PPP4R4: variants seen among roughly 807,000 people sequenced by gnomAD.
PPP4R4 encodes the protein protein phosphatase 4 regulatory subunit 4, also known as serine/threonine-protein phosphatase 4 regulatory subunit 4.
PPP4R4 carries 70 observed loss-of-function variants against 121.8 expected under a neutral mutation model. That is an observed-to-expected ratio of 0.57 (90% CI 0.47 to 0.70). PPP4R4 has a LOEUF of 0.70. Among genes scored for constraint, PPP4R4 ranks in the 30% least tolerant of loss-of-function variants. PPP4R4 has a pLI of 0.00. For synonymous variants in PPP4R4, 348 were observed against 355.7 expected, an observed-to-expected ratio of 0.98 and a Z score of 0.24; for missense variants, 875 against 1,033.6, an observed-to-expected ratio of 0.85 and a Z score of 2.10.
intron 3 of PPP4R4, chr14:94,227,387 T>C (rs373708315): frequency 2.5e-6 from 4 of 1,604,930 alleles, no homozygotes; most frequent in Non-Finnish European, 3.4e-6. Context: ...TGGTAAGTAT[T>C]GAACTCTTAT....
At chr14:94,242,592 A>G (rs1366034209) in intron 11 of PPP4R4, among the ~76,000 whole-genome samples, 184 bp downstream of exon 11, 2 of 152,148 alleles carry the variant, frequency 1.3e-5, no homozygotes, top group Admixed American at 6.6e-5. Flanking sequence ...AATCATTTCC[A>G]TAAATACATT....
Position 94,234,642 on chromosome 14 carries a change from A to T in PPP4R4, c.704A>T (p.Gln235Leu). The T allele has an allele frequency of 6.2e-7, 1 of 1,600,688 alleles. No individual in the cohort carries two copies. Among genetic ancestry groups the T allele is most frequent in the Non-Finnish European group, 8.6e-7 (1 of 1,168,110 alleles). The change falls in exon 7 of 25, where the codon CAA (glutamine) becomes CTA (leucine). Residue 235 changes from glutamine to leucine, a missense_variant. Coordinates refer to ENST00000304338, the MANE Select transcript of PPP4R4 (RefSeq NM_058237.2). ...GAAGTTCGATCTTGTATGTGTCGGCAATTAGAAAATATAGCCCAGGGCATT... is the reference window on the plus strand; with the variant it reads ...GAAGTTCGATCTTGTATGTGTCGGCTATTAGAAAATATAGCCCAGGGCATT... ...EYEVRSCMCR[Q>L]LENIAQGIGT...
Position 94,267,008 on chromosome 14 carries a change from A to G in PPP4R4, c.2428A>G (p.Thr810Ala). The G allele has an allele frequency of 2.5e-6, 4 of 1,596,908 alleles. No homozygotes were observed. Among genetic ancestry groups the G allele is most frequent in the Non-Finnish European group, 3.4e-6 (4 of 1,166,790 alleles). The change falls in exon 23 of 25, where the codon ACT becomes GCT. Residue 810 changes from threonine (T) to alanine (A), a missense_variant. Thr to Ala is a moderately conservative substitution (Grantham distance 58, BLOSUM62 0). Coordinates refer to ENST00000304338, the MANE Select transcript of PPP4R4 (RefSeq NM_058237.2). The stretch of plus-strand genomic sequence containing the variant: ...AACTTCTGTCTCAGGGTTAGGAAAG[A>G]CTTCTGTGCTTTCACTAGCTGGTAA... The part of the protein sequence containing the change: ...YTTSVSGLGK[T>A]SVLSLADDSF...
rs146626593 is a variant in PPP4R4, at chr14:94,260,055, T to G, written c.2127+686T>G. 5.3e-5 allele frequency among the ~76,000 whole-genome samples: 8 copies of G among 152,288 alleles called. No homozygotes were observed. In the East Asian group the frequency reaches 1.5e-3, roughly 29 times the overall value. ...AGTCCTTGAGTAGACCTGTTTTCAT[T>G]TCTCTTGGGTAAATACCTAGGAATA... On this transcript the variant is annotated intron_variant, in intron 19 of 24. Coordinates refer to ENST00000304338, the MANE Select transcript of PPP4R4 (RefSeq NM_058237.2).
At chr14:94,204,671 G>A (rs1411413502) in intron 2 of PPP4R4, among the ~76,000 whole-genome samples, 2 of 152,034 alleles carry the variant, frequency 1.3e-5, no homozygotes, top group African/African-American at 4.8e-5. Context: ...ACCACTTTGG[G>A]GAGAATCGCC....
In PPP4R4 at chr14:94,265,897, G is replaced by A; in HGVS notation, c.2378+10G>A. 1 of 1,490,318 alleles carries A rather than the reference G, an allele frequency of 6.7e-7. No individual in the cohort carries two copies. The highest frequency in any genetic ancestry group is 9.2e-7 in the Non-Finnish European group (1 of 1,091,212). The allele number at this position is 1,490,318 out of a possible 1,614,324, so 92.3% of individuals were successfully genotyped here. On this transcript the variant is annotated intron_variant, in intron 22 of 24. Coordinates refer to ENST00000304338, the MANE Select transcript of PPP4R4 (RefSeq NM_058237.2). ...TAGAGAAATGTGCTAGGTACGATCT[G>A]TAAGCCCTTCAATTTTTAACATAAT...
chr14:94,249,434 A>G (rs553953818), intron 14 of PPP4R4, among the ~76,000 whole-genome samples: 25 of 152,082 alleles, frequency 1.6e-4, no homozygotes, highest in Non-Finnish European at 3.4e-4. Flanking sequence ...GATCCCCACT[A>G]TAATATTTGG....
At chr14:94,238,074 G>T (rs751825858) in intron 8 of PPP4R4, among the ~76,000 whole-genome samples, 3 of 152,220 alleles carry the variant, frequency 2.0e-5, no homozygotes, top group Non-Finnish European at 2.9e-5. Flanking sequence ...GGGAACAAAA[G>T]AAGCTGACTT....
chr14:94,241,083 C>T (rs1337420193), intron 9 of PPP4R4, among the ~76,000 whole-genome samples: 1 of 152,034 alleles, frequency 6.6e-6, no homozygotes, highest in Non-Finnish European at 1.5e-5. Flanking sequence ...ATAATAGAAG[C>T]TCAGGCTTAT....
chr14:94,230,142 T>C (rs1483380523), intron 3 of PPP4R4, among the ~76,000 whole-genome samples: 1 of 152,190 alleles, frequency 6.6e-6, no homozygotes, highest in Non-Finnish European at 1.5e-5. Flanking sequence ...GTGTATTCTT[T>C]TTTATAGTAG....
chr14:94,278,708 G>T lies in PPP4R4; in HGVS notation c.*65G>T. On this transcript the variant is annotated 3_prime_UTR_variant, in exon 25 of 25. Coordinates refer to ENST00000304338, the MANE Select transcript of PPP4R4 (RefSeq NM_058237.2). ...GAGATAATGTGATTGGTACACAAAA[G>T]CTAAAGCAGTGGCTGGGGCTTTGTT... 1 of 1,435,818 alleles carries T rather than the reference G, an allele frequency of 7.0e-7. No individual in the cohort carries two copies. The highest frequency in any genetic ancestry group is 9.3e-7 in the Non-Finnish European group (1 of 1,077,422). The allele number at this position is 1,435,818 out of a possible 1,614,324, so 88.9% of individuals were successfully genotyped here. A position where few individuals can be genotyped will look rare whatever the true frequency, so the allele number is the denominator to read the frequency against.
intron 2 of PPP4R4, among the ~76,000 whole-genome samples, chr14:94,207,777 G>GT (rs1890540693): frequency 6.6e-6 from 1 of 151,478 alleles, no homozygotes; most frequent in Admixed American, 6.6e-5. Context: ...TTTGAAAACA[G>GT]TTTTTTGCTG....
chr14:94,230,605 G>A lies in PPP4R4; in HGVS notation c.313G>A (p.Gly105Arg). 6.2e-7 allele frequency: 1 copy of A among 1,612,822 alleles called. No individual in the cohort carries two copies. The highest frequency in any genetic ancestry group is 8.5e-7 in the Non-Finnish European group (1 of 1,178,868). The change falls in exon 4 of 25, where the codon GGA becomes AGA. Residue 105 changes from glycine (G) to arginine (R), a missense_variant. Coordinates refer to ENST00000304338, the MANE Select transcript of PPP4R4 (RefSeq NM_058237.2). ...PKVREALHVA[G>R]VEMQLTAAMS... ...TATACAGGAAGCCCTGCATGTTGCA[G>A]GAGTGGAAATGCAGTTAACGGCTGC...
At chr14:94,223,657 A>T (rs1262372268) in intron 3 of PPP4R4, among the ~76,000 whole-genome samples, 2 of 152,176 alleles carry the variant, frequency 1.3e-5, no homozygotes, top group Non-Finnish European at 2.9e-5. Flanking sequence ...CTACCCTGTT[A>T]GTTTCCATAG....
chr14:94,250,911 A>G (rs1893147101), intron 15 of PPP4R4, among the ~76,000 whole-genome samples: 1 of 152,022 alleles, frequency 6.6e-6, no homozygotes, highest in South Asian at 2.1e-4. Flanking sequence ...TATATTATCC[A>G]GCATAGGCAG....
In PPP4R4 at chr14:94,240,756, T is replaced by A; in HGVS notation, c.937T>A (p.Leu313Ile). 6.2e-7 allele frequency: 1 copy of A among 1,606,220 alleles called. No individual in the cohort carries two copies. The highest frequency in any genetic ancestry group is 8.5e-7 in the Non-Finnish European group (1 of 1,177,472). Residue 313 changes from leucine (L) to isoleucine (I), a missense_variant, in exon 9 of 25, where the codon TTA becomes ATA. Coordinates refer to ENST00000304338, the MANE Select transcript of PPP4R4 (RefSeq NM_058237.2). Reference sequence around the variant, plus strand: ...AGCAGATGAATCAATTCTTATTTCTTTATCTTTCCATTTAGGAAAACTATG... The same window carrying A: ...AGCAGATGAATCAATTCTTATTTCTATATCTTTCCATTTAGGAAAACTATG... ...FKADESILIS[L>I]SFHLGKLCHG... is the part of the protein sequence containing the mutation.
At chr14:94,264,813 C>T (rs1319122470) in intron 19 of PPP4R4, 65 bp from the exon 20 acceptor site, 10 of 1,255,544 alleles carry the variant, frequency 8.0e-6, no homozygotes, top group Non-Finnish European at 3.4e-6. Context: ...TGCTTAATTT[C>T]TCAGAACAAT....
Position 94,265,487 on chromosome 14 carries a change from T to G in PPP4R4, c.2284+14T>G. 1 of 1,567,328 alleles carries G rather than the reference T, an allele frequency of 6.4e-7. No individual in the cohort carries two copies. The highest frequency in any genetic ancestry group is 8.8e-7 in the Non-Finnish European group (1 of 1,139,274). On this transcript the variant is annotated intron_variant, in intron 21 of 24. Coordinates refer to ENST00000304338, the MANE Select transcript of PPP4R4 (RefSeq NM_058237.2). ...CCCCATCGACAAGTAAGAAATAACT[T>G]CTTTTTATATCTTTTTGTAATTTTT...
chr14:94,195,395 A>G lies in PPP4R4; in HGVS notation c.192-13069A>G, dbSNP rs2139414689. On this transcript the variant is annotated intron_variant, in intron 2 of 24. Transcript: ENST00000304338. ...GAAGTTTGAGAACCGCTGCTCTAGC[A>G]TGTTGTAGTTACCAACCTGTATACA... Among the ~76,000 whole-genome samples the G allele has an allele frequency of 2.6e-5, 4 of 152,330 alleles. No homozygotes were observed. In the South Asian group the frequency reaches 8.3e-4, roughly 32 times the overall value.
Sources: gnomAD v4.1 joint callset for allele counts (sites outside exome capture counted in the v4.1 genomes callset) on GRCh38, gnomAD v4.1.1 for gene constraint, MANE v1.5 for transcripts, NCBI Gene and HGNC (gene_info 2026-07-23, HGNC 2026-07-21) for gene names.